Variants in ZDHHC14 observed in about 807,000 individuals in gnomAD.
ZDHHC14 encodes palmitoyltransferase ZDHHC14.
In ZDHHC14, 16 loss-of-function variants were observed where a neutral mutation model predicts 47.7. The observed-to-expected ratio is 0.34, with a 90% CI of 0.23 to 0.51. The LOEUF is 0.51. Among genes scored for constraint, ZDHHC14 ranks in the 20% least tolerant of loss-of-function variants. The pLI is 0.97. For synonymous variants in ZDHHC14, 293 were observed against 278.9 expected, an observed-to-expected ratio of 1.05 and a Z score of -0.50; for missense variants, 515 against 662.5, an observed-to-expected ratio of 0.78 and a Z score of 2.44.
At chr6:157,598,419 A>G (rs1322665920) in intron 3 of ZDHHC14, among the ~76,000 whole-genome samples, 2 of 152,162 alleles carry the variant, frequency 1.3e-5, no homozygotes, top group Non-Finnish European at 2.9e-5. Context: ...TTTCACCAAC[A>G]TTGAATAAGC....
intron 7 of ZDHHC14, among the ~76,000 whole-genome samples, chr6:157,647,853 G>A (rs1009110526): frequency 2.0e-5 from 3 of 152,190 alleles, no homozygotes; most frequent in Non-Finnish European, 4.4e-5. Context: ...ACGATGACAC[G>A]AACCATGGCA....
intron 1 of ZDHHC14, among the ~76,000 whole-genome samples, chr6:157,528,599 G>A (rs1182242437): frequency 2.6e-5 from 4 of 152,102 alleles, no homozygotes; most frequent in Admixed American, 2.6e-4. Flanking sequence ...AGGCGTGGTG[G>A]CAGGTGCCTG....
rs1777619578 is a variant in ZDHHC14 at position 157,647,481 on chromosome 6, C to T, written c.965+113C>T. On this transcript the variant is annotated intron_variant, in intron 7 of 8. Coordinates refer to ENST00000359775, the MANE Select transcript of ZDHHC14 (RefSeq NM_024630.3). ...ATGGGTCGCCGCCACCACGTGACCA[C>T]TTTGTGCCGCGTGGATGTGGCCTTC... The T allele has an allele frequency of 5.9e-6, 4 of 681,290 alleles. No homozygotes were observed. In the South Asian group the frequency reaches 8.1e-5, roughly 14 times the overall value. The allele number at this position is 681,290 out of a possible 1,614,324, so 42.2% of individuals were successfully genotyped here.
At chr6:157,531,477 A>C (rs1582896128) in intron 1 of ZDHHC14, among the ~76,000 whole-genome samples, 1 of 151,694 alleles carries the variant, frequency 6.6e-6, no homozygotes, top group East Asian at 1.9e-4. Context: ...CACCCCCTCC[A>C]GAAAGGCTTC....
chr6:157,614,768 T>G (rs867510695), intron 3 of ZDHHC14, among the ~76,000 whole-genome samples: 8 of 86,726 alleles, frequency 9.2e-5, no homozygotes, highest in South Asian at 2.7e-4. Context: ...ACTCTTCATG[T>G]TTTTTTTTTG....
intron 1 of ZDHHC14, among the ~76,000 whole-genome samples, chr6:157,540,972 CTG>C (rs1252115138): frequency 2.7e-5 from 4 of 146,070 alleles, no homozygotes; most frequent in Admixed American, 1.4e-4. Context: ...TCAATGTAGA[CTG>C]TGTTTCTTTT....
chr6:157,515,256 C>G (rs1247624055), intron 1 of ZDHHC14, among the ~76,000 whole-genome samples: 1 of 152,104 alleles, frequency 6.6e-6, no homozygotes, highest in African/African-American at 2.4e-5. Flanking sequence ...TACAGCATCT[C>G]TGCCAGACAG....
At chr6:157,599,759 A>G (rs529185960) in intron 3 of ZDHHC14, among the ~76,000 whole-genome samples, 16 of 152,246 alleles carry the variant, frequency 1.1e-4, no homozygotes, top group Non-Finnish European at 2.2e-4. Context: ...ACAGCAACCA[A>G]TAGGTTGCCA....
intron 2 of ZDHHC14, among the ~76,000 whole-genome samples, chr6:157,552,739 GCCTT>G (rs1327485017): frequency 6.6e-6 from 1 of 152,128 alleles, no homozygotes; most frequent in Admixed American, 6.5e-5. Flanking sequence ...CAGAAGCCAG[GCCTT>G]CCCTGCAGAG....
At chr6:157,650,846 C>G (rs1463034851) in intron 7 of ZDHHC14, among the ~76,000 whole-genome samples, 1 of 152,200 alleles carries the variant, frequency 6.6e-6, no homozygotes, top group Non-Finnish European at 1.5e-5. Flanking sequence ...CCTGTCTCCC[C>G]ACCAGCTTGC....
At chr6:157,542,380 G>T (rs913784929) in intron 1 of ZDHHC14, among the ~76,000 whole-genome samples, 36 of 152,202 alleles carry the variant, frequency 2.4e-4, no homozygotes, top group African/African-American at 8.0e-4. Context: ...ATACTGGGGA[G>T]TGGGGGTTCA....
intron 3 of ZDHHC14, among the ~76,000 whole-genome samples, chr6:157,624,579 G>C (rs749903306): frequency 1.3e-5 from 2 of 152,184 alleles, no homozygotes; most frequent in African/African-American, 2.4e-5. Flanking sequence ...ACAGTGCTGG[G>C]TACATGGAAA....
At chr6:157,393,242 G>A (rs1056803076) in intron 1 of ZDHHC14, among the ~76,000 whole-genome samples, 1 of 152,174 alleles carries the variant, frequency 6.6e-6, no homozygotes, top group Non-Finnish European at 1.5e-5. Context: ...AATCATTTCT[G>A]TACATCTTCA....
chr6:157,665,498 G>T (rs1316344375), intron 8 of ZDHHC14, among the ~76,000 whole-genome samples: 1 of 152,186 alleles, frequency 6.6e-6, no homozygotes, highest in Non-Finnish European at 1.5e-5. Context: ...GGTATCTTTG[G>T]TCAAACTTTT....
chr6:157,515,621 G>A (rs917518279), intron 1 of ZDHHC14, among the ~76,000 whole-genome samples: 1 of 151,700 alleles, frequency 6.6e-6, no homozygotes, highest in Non-Finnish European at 1.5e-5. Context: ...CCGCCACCAC[G>A]CCCGGCTAAT....
chr6:157,567,319 C>T (rs562289415), intron 2 of ZDHHC14, among the ~76,000 whole-genome samples: 9 of 152,212 alleles, frequency 5.9e-5, no homozygotes, highest in South Asian at 2.1e-4. Context: ...ATCTGACTGC[C>T]GTGGGCTGAG....
chr6:157,602,489 CAA>C (rs552594669), intron 3 of ZDHHC14, among the ~76,000 whole-genome samples: 24 of 60,596 alleles, frequency 4.0e-4, no homozygotes, highest in South Asian at 6.5e-4. Context: ...GACTCCGTTT[CAA>C]AAAAAAAAAA....
chr6:157,594,228 A>G (rs1048813671), intron 3 of ZDHHC14, among the ~76,000 whole-genome samples: 1 of 152,184 alleles, frequency 6.6e-6, no homozygotes, highest in Non-Finnish European at 1.5e-5. Context: ...ACTTTACCCT[A>G]ACTTTAATAA....
chr6:157,542,856 G>A lies in ZDHHC14; in HGVS notation c.406+111G>A, dbSNP rs1781825459. On this transcript the variant is annotated intron_variant, in intron 2 of 8. Transcript: ENST00000359775. ...GGAGGAGCTGAGCGCTGGGAAGGAA[G>A]GAGGCCAGAAGTCAGCGTTCCTTAG... The A allele has an allele frequency of 1.7e-5, 23 of 1,357,906 alleles. No individual in the cohort carries two copies. The South Asian group carries it at 3.2e-4, about 19-fold the overall frequency. 84.1% of individuals were successfully genotyped at this position (1,357,906 alleles called of 1,614,324 possible). A position where few individuals can be genotyped will look rare whatever the true frequency, so the allele number is the denominator to read the frequency against.
Sources: allele counts gnomAD v4.1 joint callset (sites outside exome capture counted in the v4.1 genomes callset), GRCh38; gene constraint gnomAD v4.1.1; transcripts MANE v1.5; gene names NCBI Gene and HGNC (gene_info 2026-07-23, HGNC 2026-07-21).